Variants in DNAH9 observed in about 807,000 individuals in gnomAD.
DNAH9 encodes the protein DNAH9 variant protein.
Under a neutral mutation model 471.6 loss-of-function variants are expected in DNAH9, and 345 were observed. That is an observed-to-expected ratio of 0.73 (90% confidence interval 0.67 to 0.80). The LOEUF (loss-of-function observed/expected upper bound fraction) is 0.80. Among genes scored for constraint, DNAH9 ranks in the 30% least tolerant of loss-of-function variants. The pLI is 0.00. For missense variants in DNAH9, 5,407 were observed against 5,609.2 expected, an observed-to-expected ratio of 0.96 and a Z score of 1.15; for synonymous variants, 2,093 against 2,123.6, an observed-to-expected ratio of 0.99 and a Z score of 0.40.
At chr17:11,642,397 G>T (rs1301836389) in intron 10 of DNAH9, among the ~76,000 whole-genome samples, 1 of 151,884 alleles carries the variant, frequency 6.6e-6, no homozygotes, top group African/African-American at 2.4e-5. Flanking sequence ...CAATTAGCCA[G>T]GTGTGGTGGG....
chr17:11,871,675 T>C lies in DNAH9; in HGVS notation c.10131T>C (p.Cys3377=). 6.2e-7 allele frequency: 1 copy of C among 1,614,210 alleles called. No individual in the cohort carries two copies. Among genetic ancestry groups the C allele is most frequent in the Non-Finnish European group, 8.5e-7 (1 of 1,180,024 alleles). Residue 3377 remains cysteine, a synonymous_variant, in exon 52 of 69, where the codon TGT becomes TGC. Coordinates refer to ENST00000262442, the MANE Select transcript of DNAH9 (RefSeq NM_001372.4). The stretch of plus-strand genomic sequence containing the variant: ...TCAAACAGCAGGAAAGGACGTTATG[T>C]GGAGACATTTTACTTATAACGGCTT... ...QNFKQQERTL[C]GDILLITAFI...
chr17:11,682,993 C>CT (rs1169678463), intron 19 of DNAH9, among the ~76,000 whole-genome samples: 1 of 152,118 alleles, frequency 6.6e-6, no homozygotes, highest in Non-Finnish European at 1.5e-5. Flanking sequence ...TCTTCTGACT[C>CT]TTTTTTGGGC....
intron 17 of DNAH9, among the ~76,000 whole-genome samples, chr17:11,677,192 C>T (rs1041009705): frequency 3.3e-5 from 5 of 151,916 alleles, no homozygotes; most frequent in African/African-American, 9.7e-5. Flanking sequence ...ATCTTCACTG[C>T]CTTTTTTTAA....
rs1421707508 is a variant in DNAH9 at position 11,701,252 on chromosome 17, TCTC to T, written c.5151+8_5151+10del. The stretch of plus-strand genomic sequence containing the variant: ...CTTTTTGACCACCCAGCTCAGGTAT[TCTC>T]CTAATGGGATCCCCATCCTCCATGG... On this transcript the variant is annotated splice_donor_region_variant and intron_variant, in intron 24 of 68. Transcript: ENST00000262442. The T allele has an allele frequency of 1.9e-6, 3 of 1,612,828 alleles. No individual in the cohort carries two copies. Among genetic ancestry groups the T allele is most frequent in the South Asian group, 1.1e-5 (1 of 91,016 alleles).
At chr17:11,664,349 A>G (rs548067554) in intron 14 of DNAH9, among the ~76,000 whole-genome samples, 2 of 152,220 alleles carry the variant, frequency 1.3e-5, no homozygotes, top group Non-Finnish European at 2.9e-5. Flanking sequence ...TAAATCACTC[A>G]GTAGGATTGA....
intron 34 of DNAH9, 92 bp from the exon 35 acceptor site, chr17:11,757,453 A>T: frequency 1.7e-6 from 2 of 1,204,780 alleles, no homozygotes; most frequent in Non-Finnish European, 2.4e-6. Context: ...AGTCTTCTGT[A>T]CATTTTCCAA....
chr17:11,704,660 C>T (rs1011818905), intron 25 of DNAH9, among the ~76,000 whole-genome samples: 1 of 151,656 alleles, frequency 6.6e-6, no homozygotes, highest in Non-Finnish European at 1.5e-5. Context: ...CTCGGCTCAC[C>T]GCAACCTCCA....
chr17:11,884,781 A>G, intron 56 of DNAH9, among the ~76,000 whole-genome samples: 1 of 152,130 alleles, frequency 6.6e-6, no homozygotes, highest in East Asian at 1.9e-4. Context: ...GGTTGGGGGC[A>G]TGAGAGTTTG....
In DNAH9 at chr17:11,602,285, C is replaced by T. The variant is rs568036348; in HGVS notation, c.417+3370C>T. 5.9e-5 allele frequency among the ~76,000 whole-genome samples: 9 copies of T among 151,798 alleles called. No homozygotes were observed. In the South Asian group the frequency reaches 1.0e-3, roughly 18 times the overall value. On this transcript the variant is annotated intron_variant, in intron 1 of 68. Coordinates refer to ENST00000262442, the MANE Select transcript of DNAH9 (RefSeq NM_001372.4). ...AATTTAGACATCATATATTAGAACA[C>T]CTGGAATAGAGTGTCACACTGCAGG... is the stretch of plus-strand genomic sequence containing the variant.
chr17:11,843,861 G>GTATATATATATA lies in DNAH9; in HGVS notation c.9507+8964_9507+8965insATATATATATAT, dbSNP rs1166364623. On this transcript the variant is annotated intron_variant, in intron 49 of 68. Coordinates refer to ENST00000262442, the MANE Select transcript of DNAH9 (RefSeq NM_001372.4). ...TGTGTTTGTGTGTGTGTGTGTGTGT[G>GTATATATATATA]TGTATATATATATATATATATATAT... 8.2e-3 allele frequency among the ~76,000 whole-genome samples: 442 copies of GTATATATATATA among 54,102 alleles called. 2 individuals are homozygous for GTATATATATATA. The highest frequency in any genetic ancestry group is 0.01 in the Admixed American group (36 of 3,500). 35.5% of individuals were successfully genotyped at this position (54,102 alleles called of 152,430 possible).
intron 33 of DNAH9, among the ~76,000 whole-genome samples, chr17:11,753,322 T>G (rs533369752): frequency 6.6e-6 from 1 of 152,348 alleles, no homozygotes; most frequent in Admixed American, 6.5e-5. Context: ...ATCAGAAACA[T>G]TCCAAGCCTG....
At position 11,652,931 on chromosome 17, in the gene DNAH9, C is replaced by G. The variant is rs16945138; in HGVS notation, c.2524C>G (p.Arg842Gly). ...GGAATCCCTTCTTTCTCTGGATGAT[C>G]GGCATGATCGAATGGAAAAATATTA... is the stretch of plus-strand genomic sequence containing the variant. ...KRESLLSLDD[R>G]HDRMEKYYNL... The change falls in exon 14 of 69, where the codon CGG (arginine) becomes GGG (glycine). Residue 842 changes from arginine to glycine, a missense_variant. Arg to Gly is a moderately radical substitution (Grantham distance 125, BLOSUM62 -2). Around this residue, in one of 3 missense-constraint regions of DNAH9, gnomAD observed 4,636 missense variants for 4,900.3 expected, o/e 0.95. Coordinates refer to ENST00000262442, the MANE Select transcript of DNAH9 (RefSeq NM_001372.4). The G allele has an allele frequency of 1.9e-6, 3 of 1,613,670 alleles. No individual in the cohort carries two copies. The highest frequency in any genetic ancestry group is 2.2e-5 in the South Asian group (2 of 91,050).
intron 28 of DNAH9, among the ~76,000 whole-genome samples, chr17:11,732,724 C>T (rs1024940181): frequency 1.3e-5 from 2 of 152,130 alleles, no homozygotes; most frequent in Admixed American, 6.5e-5. Context: ...TTTACTATTG[C>T]AATCAGCTGT....
intron 43 of DNAH9, among the ~76,000 whole-genome samples, chr17:11,799,186 AT>A (rs1482884403): frequency 1.3e-5 from 2 of 151,678 alleles, no homozygotes; most frequent in Non-Finnish European, 2.9e-5. Flanking sequence ...CACCTTCAAA[AT>A]CCCAACTTCA....
At chr17:11,931,086 C>T (rs1974495625) in intron 63 of DNAH9, among the ~76,000 whole-genome samples, 1 of 152,220 alleles carries the variant, frequency 6.6e-6, no homozygotes, top group African/African-American at 2.4e-5. Flanking sequence ...GGCACTATTT[C>T]TTTTTGGTTC....
At chr17:11,778,403 A>C (rs1410765596) in intron 38 of DNAH9, among the ~76,000 whole-genome samples, 2 of 149,916 alleles carry the variant, frequency 1.3e-5, no homozygotes, top group African/African-American at 4.9e-5. Context: ...TGCCTGGAGC[A>C]GAGCTTGAGG....
chr17:11,932,558 T>C lies in DNAH9; in HGVS notation c.12297+353T>C, dbSNP rs1015742061. 2.6e-5 allele frequency among the ~76,000 whole-genome samples: 4 copies of C among 152,182 alleles called. No individual in the cohort carries two copies. Among genetic ancestry groups the C allele is most frequent in the Admixed American group, 1.3e-4 (2 of 15,280 alleles). ...ATCAGCGCATTTTAACGAGATTCTCTGGTAATTCGTATGCACGTTAAGGAG... is the reference window on the plus strand; with the variant it reads ...ATCAGCGCATTTTAACGAGATTCTCCGGTAATTCGTATGCACGTTAAGGAG... On this transcript the variant is annotated intron_variant, in intron 64 of 68. Coordinates refer to ENST00000262442, the MANE Select transcript of DNAH9 (RefSeq NM_001372.4). The surrounding 1 kb of genome is among the most constrained non-coding windows in gnomAD (Gnocchi z 4.3).
At chr17:11,661,975 T>C (rs1462402706) in intron 14 of DNAH9, among the ~76,000 whole-genome samples, 1 of 152,184 alleles carries the variant, frequency 6.6e-6, no homozygotes, top group East Asian at 1.9e-4. Flanking sequence ...AAGAAATTTA[T>C]TTACTACTTC....
At chr17:11,961,098 T>A (rs1976118345) in intron 67 of DNAH9, among the ~76,000 whole-genome samples, 1 of 152,088 alleles carries the variant, frequency 6.6e-6, no homozygotes. Flanking sequence ...GCTGATCACT[T>A]GAGGTCAGGA....
Sources: gnomAD v4.1 joint callset for allele counts (sites outside exome capture counted in the v4.1 genomes callset) on GRCh38, gnomAD v4.1.1 for gene constraint, gnomAD v4.1.1 regional missense constraint, Gnocchi (gnomAD v3.1) non-coding constraint, MANE v1.5 for transcripts, NCBI Gene and HGNC (gene_info 2026-07-23, HGNC 2026-07-21) for gene names.